ZNF503: variants seen among roughly 807,000 people sequenced by gnomAD.
ZNF503 encodes the protein NocA-like zinc finger 2.
Under a neutral mutation model 34.4 loss-of-function variants are expected in ZNF503, and 15 were observed. That is an observed-to-expected ratio of 0.44 (90% CI 0.29 to 0.67). The LOEUF (loss-of-function observed/expected upper bound fraction) is 0.67, where lower values mean the gene tolerates loss of function less well. ZNF503 is among the 30% of genes least tolerant of loss of function. ZNF503 has a pLI of 0.13. For synonymous variants in ZNF503, 580 were observed against 456.8 expected (o/e 1.27, Z -3.44); for missense variants, 1,007 against 926.8 (o/e 1.09, Z -1.12).
At chr10:75,347,550 G>A in the ZNF503 span, among the ~76,000 whole-genome samples, 14 of 152,218 alleles carry the variant, frequency 9.2e-5, no homozygotes, top group Non-Finnish European at 1.6e-4. Context: ...GGGGCAGGCT[G>A]TCCTTAACTC....
the ZNF503 span, among the ~76,000 whole-genome samples, chr10:75,293,005 A>G: frequency 1.7e-4 from 26 of 152,318 alleles, no homozygotes; most frequent in South Asian, 5.4e-3. Flanking sequence ...TCAGATGTTC[A>G]AGGAAGAGAG....
Position 75,399,946 on chromosome 10 carries a change from G to T in ZNF503, c.744C>A (p.Ala248=). 1 of 1,606,256 alleles carries T rather than the reference G, an allele frequency of 6.2e-7. No individual in the cohort carries two copies. Among genetic ancestry groups the T allele is most frequent in the Non-Finnish European group, 8.5e-7 (1 of 1,179,390 alleles). The change falls in exon 2 of 2, where the codon GCC becomes GCA. Residue 248 remains alanine, a synonymous_variant. Coordinates refer to ENST00000372524, the MANE Select transcript of ZNF503 (RefSeq NM_032772.6). ...CTTTCTTGTCGTCCTTGCCCTCCGG[G>T]GCACCCCCGGCCGAGGACAGCATAC... ...PGGMLSSAGG[A]PEGKDDKKDT...
the ZNF503 span, among the ~76,000 whole-genome samples, chr10:75,377,832 G>A: frequency 6.6e-6 from 1 of 152,112 alleles, no homozygotes; most frequent in African/African-American, 2.4e-5. Flanking sequence ...CCTAAGAGTG[G>A]GTAATGTATA....
At chr10:75,346,475 G>T in the ZNF503 span, among the ~76,000 whole-genome samples, 11 of 149,886 alleles carry the variant, frequency 7.3e-5, no homozygotes, top group African/African-American at 2.5e-4. Flanking sequence ...CTGTCACCCG[G>T]GACAGAGTGC....
At chr10:75,362,845 G>A in the ZNF503 span, among the ~76,000 whole-genome samples, 7 of 152,234 alleles carry the variant, frequency 4.6e-5, no homozygotes, top group African/African-American at 1.4e-4. Context: ...GCTGGGAATC[G>A]AGGCTCCCCG....
chr10:75,384,372 G>T, the ZNF503 span, among the ~76,000 whole-genome samples: 1 of 151,752 alleles, frequency 6.6e-6, no homozygotes, highest in Non-Finnish European at 1.5e-5. Flanking sequence ...ACACACACTC[G>T]TACACACTTT....
the ZNF503 span, among the ~76,000 whole-genome samples, chr10:75,369,217 C>A: frequency 1.6e-3 from 248 of 152,276 alleles, 1 homozygote; most frequent in African/African-American, 5.6e-3. Flanking sequence ...AAGTGTTTAA[C>A]TTTGAGCGAG....
chr10:75,281,721 C>T, the ZNF503 span, among the ~76,000 whole-genome samples: 1 of 152,198 alleles, frequency 6.6e-6, no homozygotes, highest in Non-Finnish European at 1.5e-5. Context: ...AAAGAAGAGG[C>T]CACAGCTTGC....
At chr10:75,307,031 C>A in the ZNF503 span, among the ~76,000 whole-genome samples, 1 of 152,018 alleles carries the variant, frequency 6.6e-6, no homozygotes, top group Non-Finnish European at 1.5e-5. Context: ...CAATATTAGG[C>A]CTGAAATTTC....
chr10:75,379,936 G>A, the ZNF503 span, among the ~76,000 whole-genome samples: 2 of 152,176 alleles, frequency 1.3e-5, no homozygotes, highest in African/African-American at 4.8e-5. Context: ...AGGCGGGGTG[G>A]GAGGGGGTGC....
the ZNF503 span, among the ~76,000 whole-genome samples, chr10:75,315,661 A>G: frequency 6.6e-6 from 1 of 152,234 alleles, no homozygotes; most frequent in Admixed American, 6.5e-5. Context: ...GGAAGACAAC[A>G]AAAGAGCAAG....
At chr10:75,337,160 C>T in the ZNF503 span, among the ~76,000 whole-genome samples, 1 of 151,646 alleles carries the variant, frequency 6.6e-6, no homozygotes, top group Admixed American at 6.6e-5. Context: ...CCCATCTCTA[C>T]AAAAAACACA....
At chr10:75,346,287 G>A in the ZNF503 span, among the ~76,000 whole-genome samples, 10 of 152,030 alleles carry the variant, frequency 6.6e-5, no homozygotes, top group Non-Finnish European at 1.2e-4. Context: ...AGTCTCACAG[G>A]GCCCTGTCCT....
At position 75,400,340 on chromosome 10, in the gene ZNF503, G is replaced by T. The variant is rs78170248; in HGVS notation, c.350C>A (p.Ala117Glu). 4 of 1,610,912 alleles carry T rather than the reference G, an allele frequency of 2.5e-6. No individual in the cohort carries two copies. Among genetic ancestry groups the T allele is most frequent in the Non-Finnish European group, 2.5e-6 (3 of 1,178,318 alleles). The change falls in exon 2 of 2, where the codon GCG becomes GAG. Residue 117 changes from alanine to glutamate, a missense_variant. By Grantham distance (107) the Ala-to-Glu change is moderately radical. Coordinates refer to ENST00000372524, the MANE Select transcript of ZNF503 (RefSeq NM_032772.6). ...DAKKSPLALL[A>E]QTCSQIGKPD... ...CTTCCCGATCTGCGAACATGTTTGCGCCAACAGCGCCAGCGGGCTCTTCTT... is the reference window on the plus strand; with the variant it reads ...CTTCCCGATCTGCGAACATGTTTGCTCCAACAGCGCCAGCGGGCTCTTCTT...
At chr10:75,389,589 A>C in the ZNF503 span, among the ~76,000 whole-genome samples, 1 of 152,098 alleles carries the variant, frequency 6.6e-6, no homozygotes, top group African/African-American at 2.4e-5. Context: ...AAATAGCCGG[A>C]TGTGGTGGCG....
the ZNF503 span, among the ~76,000 whole-genome samples, chr10:75,354,361 A>G: frequency 6.6e-6 from 1 of 152,246 alleles, no homozygotes; most frequent in Non-Finnish European, 1.5e-5. Context: ...GTAGAAAAAC[A>G]TAGATTACCA....
At chr10:75,295,599 C>T in the ZNF503 span, 1 of 152,222 alleles carries the variant, frequency 6.6e-6, no homozygotes, top group Non-Finnish European at 1.5e-5. This position sits in a 1 kb window ranked among gnomAD's most constrained non-coding sequence, Gnocchi z 4.0. Flanking sequence ...TGAAACCCCA[C>T]TCCTTAGACC....
intron 1 of ZNF503, 159 bp downstream of exon 1, chr10:75,400,946 C>T: frequency 9.2e-7 from 1 of 1,091,054 alleles, no homozygotes; most frequent in Non-Finnish European, 1.3e-6. Context: ...TCCCCCTTTT[C>T]CGCCCTAGTT....
At chr10:75,348,269 G>GC in the ZNF503 span, among the ~76,000 whole-genome samples, 152,159 of 152,164 alleles carry the variant, frequency 1, 76,077 homozygotes, top group Middle Eastern at 1. Flanking sequence ...CACCATATTG[G>GC]CAGGCTGGTC....
Sources: allele counts gnomAD v4.1 joint callset (sites outside exome capture counted in the v4.1 genomes callset), GRCh38; gene constraint gnomAD v4.1.1; non-coding constraint Gnocchi (gnomAD v3.1); transcripts MANE v1.5; gene names NCBI Gene and HGNC (gene_info 2026-07-23, HGNC 2026-07-21).